The following PPP1R9A variants were observed in gnomAD, a reference collection of about 807,000 sequenced individuals.
PPP1R9A encodes neurabin-1.
Under a neutral mutation model 141.9 loss-of-function variants are expected in PPP1R9A, and 59 were observed. The ratio of observed to expected loss-of-function variants is 0.42; its 90% confidence interval spans 0.34 to 0.52. PPP1R9A has a LOEUF of 0.52. Ranked by LOEUF, PPP1R9A falls within the 20% of genes least tolerant of loss-of-function variation. PPP1R9A has a pLI of 0.10. For synonymous variants in PPP1R9A, 500 were observed against 569.7 expected (o/e 0.88, Z 1.74); for missense variants, 1,444 against 1,611.9 (o/e 0.90, Z 1.78).
At chr7:95,277,814 T>C (rs1803470992) in intron 16 of PPP1R9A, among the ~76,000 whole-genome samples, 1 of 152,248 alleles carries the variant, frequency 6.6e-6, no homozygotes, top group Non-Finnish European at 1.5e-5. Context: ...TTAAAATGTA[T>C]ACCAAAGGGT....
At chr7:95,268,930 A>G (rs940636732) in intron 13 of PPP1R9A, among the ~76,000 whole-genome samples, 3 of 152,148 alleles carry the variant, frequency 2.0e-5, no homozygotes, top group African/African-American at 7.2e-5. Context: ...CTGTATTGTC[A>G]TATTTCATGA....
At chr7:94,998,561 C>T (rs745969272) in intron 2 of PPP1R9A, among the ~76,000 whole-genome samples, 29 of 152,112 alleles carry the variant, frequency 1.9e-4, no homozygotes, top group Non-Finnish European at 3.7e-4. Flanking sequence ...TTCTTGAGAA[C>T]TCCATTTCCT....
intron 2 of PPP1R9A, among the ~76,000 whole-genome samples, chr7:95,110,475 C>A (rs893547441): frequency 2.0e-5 from 3 of 152,114 alleles, no homozygotes; most frequent in Admixed American, 2.0e-4. Context: ...ATGAATTATA[C>A]ATTTATTTCT....
intron 2 of PPP1R9A, among the ~76,000 whole-genome samples, chr7:94,971,137 A>G (rs1260204949): frequency 3.9e-5 from 6 of 152,306 alleles, no homozygotes; most frequent in Non-Finnish European, 5.9e-5. Flanking sequence ...TTGTAAGTCA[A>G]CCGTTAGAAG....
chr7:95,150,150 C>G (rs1297373410), intron 4 of PPP1R9A, among the ~76,000 whole-genome samples: 1 of 142,602 alleles, frequency 7.0e-6, no homozygotes, highest in African/African-American at 2.7e-5. Flanking sequence ...GGACATCCCC[C>G]TGCCAAAAAA....
chr7:95,170,168 G>GA (rs1482604206), intron 5 of PPP1R9A, among the ~76,000 whole-genome samples: 1 of 151,528 alleles, frequency 6.6e-6, no homozygotes, highest in African/African-American at 2.4e-5. Flanking sequence ...TACTACAATA[G>GA]AAAGTATCAA....
At chr7:95,251,617 C>T in intron 10 of PPP1R9A, 145 bp from the exon 11 acceptor site, 5 of 706,220 alleles carry the variant, frequency 7.1e-6, no homozygotes, top group Non-Finnish European at 1.1e-5. Flanking sequence ...TCTTTCATTA[C>T]TATACTTTTT....
rs1311057588 is a variant in PPP1R9A at position 95,139,891 on chromosome 7, A to G, written c.1649+19059A>G. On this transcript the variant is annotated intron_variant, in intron 4 of 19. Coordinates refer to ENST00000433360, the MANE Select transcript of PPP1R9A (RefSeq NM_001166160.2). ...ATGAGTAAGCTTAATCTGGCAGAGT[A>G]TTTAAGCTAGATGAGTCTGGAATTA... Among the ~76,000 whole-genome samples the G allele has an allele frequency of 2.0e-5, 3 of 151,652 alleles. No individual in the cohort carries two copies. The East Asian group carries it at 5.8e-4, about 29-fold the overall frequency.
chr7:95,260,074 A>G (rs1800195111), intron 12 of PPP1R9A, among the ~76,000 whole-genome samples: 1 of 152,292 alleles, frequency 6.6e-6, no homozygotes, highest in Non-Finnish European at 1.5e-5. Flanking sequence ...ACTATGGGAA[A>G]TTTTAATGAA....
intron 2 of PPP1R9A, among the ~76,000 whole-genome samples, chr7:94,936,822 TG>T (rs1185964068): frequency 5.9e-5 from 9 of 152,130 alleles, no homozygotes; most frequent in African/African-American, 2.2e-4. Context: ...GACCAGTCCC[TG>T]GTCATTAATT....
At chr7:95,121,199 TA>T (rs1013728308) in intron 4 of PPP1R9A, among the ~76,000 whole-genome samples, 2 of 152,114 alleles carry the variant, frequency 1.3e-5, no homozygotes, top group Admixed American at 6.6e-5. Flanking sequence ...TCTGGCATCT[TA>T]AAAAATGACA....
At chr7:94,962,514 C>T (rs945610994) in intron 2 of PPP1R9A, among the ~76,000 whole-genome samples, 2 of 151,850 alleles carry the variant, frequency 1.3e-5, no homozygotes, top group African/African-American at 2.4e-5. Flanking sequence ...TCTTTAACCT[C>T]TTTCTCATAA....
rs533056645 is a variant in PPP1R9A, at chr7:95,160,548, G to C, written c.1650-1319G>C. 4.2e-4 allele frequency among the ~76,000 whole-genome samples: 64 copies of C among 151,698 alleles called. 1 individual carries two copies. The highest frequency in any genetic ancestry group is 3.7e-3 in the Admixed American group (56 of 15,198). ...TTTTCAACTTGTATTTTTGATTCAG[G>C]GGGTACATGTGCAGATTTGTTACCT... On this transcript the variant is annotated intron_variant, in intron 4 of 19. Coordinates refer to ENST00000433360, the MANE Select transcript of PPP1R9A (RefSeq NM_001166160.2).
At chr7:95,194,092 C>T (rs1305025678) in intron 5 of PPP1R9A, among the ~76,000 whole-genome samples, 1 of 152,004 alleles carries the variant, frequency 6.6e-6, no homozygotes, top group South Asian at 2.1e-4. Flanking sequence ...GATACTCTGT[C>T]AAATGCTACT....
At chr7:95,124,528 T>C (rs976386243) in intron 4 of PPP1R9A, among the ~76,000 whole-genome samples, 2 of 152,160 alleles carry the variant, frequency 1.3e-5, no homozygotes, top group Non-Finnish European at 2.9e-5. Context: ...ACCACTTGTG[T>C]ATAGTTTCTG....
At chr7:95,154,933 C>T (rs1217948196) in intron 4 of PPP1R9A, 3 of 152,012 alleles carry the variant, frequency 2.0e-5, no homozygotes, top group Non-Finnish European at 4.4e-5. Flanking sequence ...ATATGAAGGA[C>T]AAGAAATCCC....
chr7:95,062,728 A>T (rs1158901013), intron 2 of PPP1R9A, among the ~76,000 whole-genome samples: 2 of 151,984 alleles, frequency 1.3e-5, no homozygotes, highest in Non-Finnish European at 2.9e-5. Context: ...AGTTGCCCTA[A>T]GTATGATTAT....
intron 14 of PPP1R9A, among the ~76,000 whole-genome samples, chr7:95,273,305 G>A (rs879444746): frequency 2.0e-5 from 3 of 152,196 alleles, no homozygotes; most frequent in Admixed American, 6.5e-5. Flanking sequence ...TTTTGTAGCT[G>A]AGCCCCTGTT....
At chr7:95,225,789 A>G (rs1200878630) in intron 7 of PPP1R9A, among the ~76,000 whole-genome samples, 172 bp from the exon 8 acceptor site, 2 of 152,180 alleles carry the variant, frequency 1.3e-5, no homozygotes, top group African/African-American at 4.8e-5. Context: ...TGGATCTTTA[A>G]ACTAACATTT....
Sources: gnomAD v4.1 joint callset for allele counts (sites outside exome capture counted in the v4.1 genomes callset) on GRCh38, gnomAD v4.1.1 for gene constraint, MANE v1.5 for transcripts, NCBI Gene and HGNC (gene_info 2026-07-23, HGNC 2026-07-21) for gene names.